Variants in SFMBT2 observed in about 807,000 individuals in gnomAD.
SFMBT2 encodes Scm like with four mbt domains 2.
SFMBT2 carries 38 observed loss-of-function variants against 110.1 expected under a neutral mutation model. The observed-to-expected ratio is 0.35, with a 90% CI of 0.27 to 0.45. SFMBT2 has a LOEUF of 0.45. Ranked by LOEUF, SFMBT2 falls within the 20% of genes least tolerant of loss-of-function variation. SFMBT2 has a pLI of 1.00. For synonymous variants in SFMBT2, 425 were observed against 425.4 expected (o/e 1.00, Z 0.01); for missense variants, 1,011 against 1,094.9 (o/e 0.92, Z 1.08).
chr10:7,360,870 T>C (rs1844694037), intron 4 of SFMBT2, among the ~76,000 whole-genome samples: 1 of 152,218 alleles, frequency 6.6e-6, no homozygotes, highest in South Asian at 2.1e-4. Context: ...AAGGGTTACT[T>C]TGTTTCCTAC....
intron 4 of SFMBT2, among the ~76,000 whole-genome samples, chr10:7,352,448 G>A (rs1844353468): frequency 1.3e-5 from 2 of 152,168 alleles, no homozygotes; most frequent in Non-Finnish European, 2.9e-5. Flanking sequence ...TCAGCCTCCT[G>A]AGTAGCTGGG....
rs78691648 is a variant in SFMBT2, at chr10:7,243,493, A to G, written c.1120+65T>C. ...GCCTCCCCAGATTAATGCAGGTGTT[A>G]CTTCAATGACAGTAAGACACCCTCC... On this transcript the variant is annotated intron_variant, in intron 9 of 20. Transcript: ENST00000397167. 2,121 of 846,808 alleles carry G rather than the reference A, an allele frequency of 2.5e-3. 37 individuals carry two copies. The African/African-American group carries it at 0.032, about 13-fold the overall frequency. The allele number at this position is 846,808 out of a possible 1,614,324, so 52.5% of individuals were successfully genotyped here.
At position 7,197,682 on chromosome 10, in the gene SFMBT2, C is replaced by G; in HGVS notation, c.1564G>C (p.Val522Leu). The change falls in exon 15 of 21, where the codon GTC becomes CTC. Residue 522 changes from valine to leucine, a missense_variant. Transcript: ENST00000397167. Reference sequence around the variant, plus strand: ...TGAGGACAGCAGTATTTCCCGTTGACGGTTCCTGCAGGGGACAGCAACATA... The same window carrying G: ...TGAGGACAGCAGTATTTCCCGTTGAGGGTTCCTGCAGGGGACAGCAACATA... Reference protein sequence around the residue: ...LFPHLDTTGTVNGKYCCPQLF... With the variant: ...LFPHLDTTGTLNGKYCCPQLF... 1 of 1,613,832 alleles carries G rather than the reference C, an allele frequency of 6.2e-7. No individual in the cohort carries two copies. The highest frequency in any genetic ancestry group is 8.5e-7 in the Non-Finnish European group (1 of 1,179,926).
intron 9 of SFMBT2, 30 bp from the exon 10 acceptor site, chr10:7,227,967 C>T (rs201695048): frequency 3.1e-5 from 48 of 1,529,440 alleles, no homozygotes; most frequent in Middle Eastern, 1.7e-4. Flanking sequence ...GATAAAACAG[C>T]GCACATTAAG....
At chr10:7,399,777 G>T (rs1846023852) in intron 1 of SFMBT2, among the ~76,000 whole-genome samples, 3 of 152,196 alleles carry the variant, frequency 2.0e-5, no homozygotes, top group Non-Finnish European at 4.4e-5. Context: ...GCTGCAAAAA[G>T]AAGGGACTGT....
intron 1 of SFMBT2, among the ~76,000 whole-genome samples, chr10:7,387,803 C>T (rs1290598086): frequency 1.3e-5 from 2 of 150,658 alleles, no homozygotes; most frequent in African/African-American, 4.9e-5. Flanking sequence ...AACCAATTAG[C>T]TGGGTATGGT....
intron 4 of SFMBT2, among the ~76,000 whole-genome samples, chr10:7,311,044 T>C (rs1195288250): frequency 2.3e-5 from 1 of 44,074 alleles, no homozygotes; most frequent in Admixed American, 2.6e-4. Context: ...AAACTCCATC[T>C]CAAAAAAAAA....
chr10:7,376,835 A>G (rs1845231886), intron 2 of SFMBT2, among the ~76,000 whole-genome samples: 1 of 127,472 alleles, frequency 7.8e-6, no homozygotes, highest in Non-Finnish European at 1.6e-5. Flanking sequence ...GCCTCATAGC[A>G]TCTCGGGGTG....
intron 4 of SFMBT2, among the ~76,000 whole-genome samples, chr10:7,315,117 AGC>A (rs1220404459): frequency 9.0e-4 from 123 of 136,998 alleles, no homozygotes; most frequent in African/African-American, 3.1e-3. Context: ...AGAAAAAGCA[AGC>A]AAGCAAGCCA....
intron 17 of SFMBT2, among the ~76,000 whole-genome samples, chr10:7,173,844 C>G (rs936367197): frequency 6.6e-6 from 1 of 152,176 alleles, no homozygotes; most frequent in Non-Finnish European, 1.5e-5. Flanking sequence ...TTTGCAGCAG[C>G]CCCGTTGCAG....
intron 2 of SFMBT2, among the ~76,000 whole-genome samples, chr10:7,378,158 G>A (rs933356505): frequency 6.8e-6 from 1 of 147,338 alleles, no homozygotes; most frequent in Non-Finnish European, 1.5e-5. Context: ...ATGGGTGGAT[G>A]GATGGGTGGA....
At chr10:7,212,706 T>A (rs939681511) in intron 11 of SFMBT2, among the ~76,000 whole-genome samples, 1 of 152,156 alleles carries the variant, frequency 6.6e-6, no homozygotes, top group Non-Finnish European at 1.5e-5. Context: ...ATAAAAAAGA[T>A]TTTACACTCA....
chr10:7,209,957 G>T (rs968781587), intron 11 of SFMBT2, among the ~76,000 whole-genome samples: 2 of 152,238 alleles, frequency 1.3e-5, no homozygotes, highest in Non-Finnish European at 2.9e-5. Flanking sequence ...CAGAGGTCAG[G>T]TTAATGAGGG....
intron 4 of SFMBT2, among the ~76,000 whole-genome samples, chr10:7,315,075 AG>A (rs2131914808): frequency 6.9e-6 from 1 of 144,994 alleles, no homozygotes; most frequent in Admixed American, 6.8e-5. Flanking sequence ...AAAGAAAGAA[AG>A]AAAGAAAGAA....
At chr10:7,313,635 T>C (rs1247454712) in intron 4 of SFMBT2, among the ~76,000 whole-genome samples, 4 of 152,148 alleles carry the variant, frequency 2.6e-5, no homozygotes, top group Non-Finnish European at 5.9e-5. Flanking sequence ...TTTTTTGTTT[T>C]TGTTTTTGTT....
At chr10:7,361,245 T>C (rs1473526475) in intron 4 of SFMBT2, among the ~76,000 whole-genome samples, 1 of 152,248 alleles carries the variant, frequency 6.6e-6, no homozygotes, top group Non-Finnish European at 1.5e-5. Context: ...AAGAAAATAA[T>C]GTGATTGTTT....
chr10:7,374,874 G>A (rs1443258719), intron 2 of SFMBT2, among the ~76,000 whole-genome samples: 3 of 152,154 alleles, frequency 2.0e-5, no homozygotes, highest in Non-Finnish European at 4.4e-5. Flanking sequence ...AGGCCTATGT[G>A]CCCCAAGGAG....
intron 11 of SFMBT2, among the ~76,000 whole-genome samples, chr10:7,211,838 C>T (rs900447934): frequency 1.1e-4 from 16 of 152,092 alleles, no homozygotes; most frequent in Admixed American, 7.2e-4. Flanking sequence ...TTGCCAGTTA[C>T]GGAAAAACTT....
At chr10:7,225,174 A>T (rs1339067769) in intron 10 of SFMBT2, among the ~76,000 whole-genome samples, 3 of 152,250 alleles carry the variant, frequency 2.0e-5, no homozygotes, top group Non-Finnish European at 4.4e-5. Context: ...TATCCTTCTT[A>T]ACAAGGGAAA....
Sources: allele counts gnomAD v4.1 joint callset (sites outside exome capture counted in the v4.1 genomes callset), GRCh38; gene constraint gnomAD v4.1.1; transcripts MANE v1.5; gene names NCBI Gene and HGNC (gene_info 2026-07-23, HGNC 2026-07-21).